KCNN3: variants seen among roughly 807,000 people sequenced by gnomAD.
The protein encoded by KCNN3 is small conductance calcium-activated potassium channel protein 3.
In KCNN3, 16 loss-of-function variants were observed where a neutral mutation model predicts 62.9. The ratio of observed to expected loss-of-function variants is 0.25; its 90% CI spans 0.17 to 0.39. The LOEUF (loss-of-function observed/expected upper bound fraction) is 0.39. Ranked by LOEUF, KCNN3 falls within the 10% of genes least tolerant of loss-of-function variation. The pLI is 1.00. For missense variants in KCNN3, 599 were observed against 949.4 expected (o/e 0.63, Z 4.85); for synonymous variants, 370 against 389.2 (o/e 0.95, Z 0.58).
Position 154,698,030 on chromosome 1 carries a change from T to A in KCNN3, c.*9946A>T, listed in dbSNP as rs1571186593. ...TACTATTATTTAGTAATCACTGAGTTGGTAAATGTATTCATTCATATGGAG... is the reference window on the plus strand; with the variant it reads ...TACTATTATTTAGTAATCACTGAGTAGGTAAATGTATTCATTCATATGGAG... On this transcript the variant is annotated 3_prime_UTR_variant, in exon 8 of 8. Coordinates refer to ENST00000271915, the MANE Select transcript of KCNN3 (RefSeq NM_002249.6). The A allele has an allele frequency of 6.6e-6, 1 of 152,210 alleles. No homozygotes were observed. Among genetic ancestry groups the A allele is most frequent in the South Asian group, 2.1e-4 (1 of 4,838 alleles). The allele number at this position is 152,210 out of a possible 1,614,324, so 9.4% of individuals were successfully genotyped here.
chr1:154,780,474 T>C (rs952825913), intron 2 of KCNN3, among the ~76,000 whole-genome samples: 9 of 150,522 alleles, frequency 6.0e-5, no homozygotes, highest in Non-Finnish European at 1.2e-4. Flanking sequence ...CTGTTCTCTC[T>C]CTGTGGGGAG....
At chr1:154,857,827 A>G (rs775355765) in intron 1 of KCNN3, among the ~76,000 whole-genome samples, 91 of 152,196 alleles carry the variant, frequency 6.0e-4, no homozygotes, top group Non-Finnish European at 2.5e-4. Flanking sequence ...GGCCCTTAAT[A>G]AATATTCTCT....
intron 1 of KCNN3, among the ~76,000 whole-genome samples, chr1:154,837,104 C>CT (rs34935250): frequency 0.25 from 35,541 of 144,506 alleles, 4,484 homozygotes; most frequent in African/African-American, 0.29. Context: ...TTGTTTAAGC[C>CT]TTTTTTTTTT....
chr1:154,739,397 C>A (rs1379065690), intron 3 of KCNN3, among the ~76,000 whole-genome samples: 1 of 152,194 alleles, frequency 6.6e-6, no homozygotes, highest in Non-Finnish European at 1.5e-5. Flanking sequence ...CCCCCCACCC[C>A]AGGATCATCA....
At position 154,708,016 on chromosome 1, in the gene KCNN3, G is replaced by A; in HGVS notation, c.2156C>T (p.Thr719Ile). 1.2e-6 allele frequency: 2 copies of A among 1,613,566 alleles called. No individual in the cohort carries two copies. The highest frequency in any genetic ancestry group is 2.7e-5 in the African/African-American group (2 of 75,044). The change falls in exon 8 of 8, where the codon ACC (threonine) becomes ATC (isoleucine). Residue 719 changes from threonine to isoleucine, a missense_variant. By Grantham distance (89) the Thr-to-Ile change is moderately conservative. Coordinates refer to ENST00000271915, the MANE Select transcript of KCNN3 (RefSeq NM_002249.6). ...ISDSPIGVSS[T>I]SFPTPYTSSS... ...ACTTGTGTACGGGGTCGGGAAGGAG[G>A]TGGAGCTGACCCCAATGGGGCTATC...
intron 3 of KCNN3, among the ~76,000 whole-genome samples, chr1:154,759,520 G>T (rs1038808932): frequency 6.6e-5 from 10 of 152,200 alleles, no homozygotes; most frequent in African/African-American, 2.4e-4. Flanking sequence ...GAGGTGGGTG[G>T]GGGAGCGGGT....
intron 3 of KCNN3, among the ~76,000 whole-genome samples, chr1:154,747,161 G>A (rs74115858): frequency 0.047 from 7,163 of 152,204 alleles, 187 homozygotes; most frequent in African/African-American, 0.055. Flanking sequence ...GAGTCAGTCC[G>A]GTGGAGGTTG....
chr1:154,708,230 G>A lies in KCNN3; in HGVS notation c.1942C>T (p.Arg648Trp). The A allele has an allele frequency of 1.2e-6, 2 of 1,613,800 alleles. No individual in the cohort carries two copies. The highest frequency in any genetic ancestry group is 1.1e-5 in the South Asian group (1 of 91,066). The change falls in exon 8 of 8, where the codon CGG (arginine) becomes TGG (tryptophan). Residue 648 changes from arginine to tryptophan, a missense_variant. Coordinates refer to ENST00000271915, the MANE Select transcript of KCNN3 (RefSeq NM_002249.6). Reference sequence around the variant, plus strand: ...ATCTGCTTCTCCAGGTCTTCGCTCCGGTCATTGAGTTCTGTGATTAAGTCA... The same window carrying A: ...ATCTGCTTCTCCAGGTCTTCGCTCCAGTCATTGAGTTCTGTGATTAAGTCA... ...MYDLITELND[R>W]SEDLEKQIGS...
At chr1:154,743,067 G>A (rs748958800) in intron 3 of KCNN3, among the ~76,000 whole-genome samples, 6 of 152,022 alleles carry the variant, frequency 3.9e-5, no homozygotes, top group Non-Finnish European at 5.9e-5. Context: ...CTCCAGAATC[G>A]GAGCGCCTGT....
In KCNN3 at chr1:154,706,224, T is replaced by C. The variant is rs1699963185; in HGVS notation, c.*1752A>G. 6.6e-6 allele frequency: 1 copy of C among 152,224 alleles called. No individual in the cohort carries two copies. The highest frequency in any genetic ancestry group is 1.5e-5 in the Non-Finnish European group (1 of 68,040). The allele number at this position is 152,224 out of a possible 1,614,324, so 9.4% of individuals were successfully genotyped here. A position where few individuals can be genotyped will look rare whatever the true frequency, so the allele number is the denominator to read the frequency against. Reference sequence around the variant, plus strand: ...CTTGGCTCTACAATTGTCTACCTTGTGCTGTCCTTAGAAGAACAGGCCCAG... The same window carrying C: ...CTTGGCTCTACAATTGTCTACCTTGCGCTGTCCTTAGAAGAACAGGCCCAG... On this transcript the variant is annotated 3_prime_UTR_variant, in exon 8 of 8. Coordinates refer to ENST00000271915, the MANE Select transcript of KCNN3 (RefSeq NM_002249.6).
intron 1 of KCNN3, among the ~76,000 whole-genome samples, chr1:154,857,887 T>C (rs957230318): frequency 6.6e-6 from 1 of 152,180 alleles, no homozygotes; most frequent in African/African-American, 2.4e-5. Context: ...CGGTGTTGCT[T>C]TGGAGTCATT....
At chr1:154,833,402 T>TC (rs1301050366) in intron 1 of KCNN3, among the ~76,000 whole-genome samples, 7 of 152,176 alleles carry the variant, frequency 4.6e-5, no homozygotes, top group Non-Finnish European at 1.0e-4. Flanking sequence ...CGTCCGTGTT[T>TC]CCCAGCCATG....
At chr1:154,820,065 A>AT (rs1406384592) in intron 2 of KCNN3, among the ~76,000 whole-genome samples, 1 of 152,214 alleles carries the variant, frequency 6.6e-6, no homozygotes, top group Non-Finnish European at 1.5e-5. Flanking sequence ...ATGACCCCCA[A>AT]TAGCATCATC....
intron 5 of KCNN3, among the ~76,000 whole-genome samples, chr1:154,725,584 C>T (rs1571214497): frequency 6.6e-6 from 1 of 150,990 alleles, no homozygotes; most frequent in African/African-American, 2.4e-5. Context: ...CTCTCTGTCA[C>T]CCAGGCTGGA....
intron 1 of KCNN3, among the ~76,000 whole-genome samples, chr1:154,835,630 C>T (rs1651556462): frequency 6.6e-6 from 1 of 152,196 alleles, no homozygotes; most frequent in Admixed American, 6.5e-5. Flanking sequence ...CGGCCATGTG[C>T]CTTGCTTGCT....
rs1415672425 is a variant in KCNN3 at position 154,736,950 on chromosome 1, G to T, written c.1449-3806C>A. 1.3e-4 allele frequency: 90 copies of T among 690,658 alleles called. 1 individual carries two copies. Among genetic ancestry groups the T allele is most frequent in the Non-Finnish European group, 8.2e-5 (31 of 377,982 alleles). The allele number at this position is 690,658 out of a possible 1,614,324, so 42.8% of individuals were successfully genotyped here. ...CCTTCAGTGATCGCTTCTCTGGTGG[G>T]GGCTACGGAAGATGCTGAGATGAAT... On this transcript the variant is annotated intron_variant, in intron 3 of 7. Coordinates refer to ENST00000271915, the MANE Select transcript of KCNN3 (RefSeq NM_002249.6).
intron 3 of KCNN3, among the ~76,000 whole-genome samples, chr1:154,760,218 C>T (rs909370658): frequency 1.3e-5 from 2 of 151,862 alleles, no homozygotes; most frequent in African/African-American, 4.8e-5. Context: ...TAAGAGATAT[C>T]AGCCATTACT....
rs184893562 is a variant in KCNN3 at position 154,757,654 on chromosome 1, G to A, written c.1448+14321C>T. ...TGCATTAAAAGGAAAATAATGCCGA[G>A]GAAATGGGAGGATGCCTAACACTTG... On this transcript the variant is annotated intron_variant, in intron 3 of 7. Coordinates refer to ENST00000271915, the MANE Select transcript of KCNN3 (RefSeq NM_002249.6). Among the ~76,000 whole-genome samples the A allele has an allele frequency of 5.3e-5, 8 of 152,304 alleles. No homozygotes were observed. In the East Asian group the frequency reaches 1.4e-3, roughly 26 times the overall value.
chr1:154,714,605 G>GT (rs1700190914), intron 6 of KCNN3, among the ~76,000 whole-genome samples: 1 of 26,062 alleles, frequency 3.8e-5, no homozygotes, highest in African/African-American at 1.1e-4. Flanking sequence ...TGTGATGTGT[G>GT]GTGTGTGGTG....
Sources: allele counts gnomAD v4.1 joint callset (sites outside exome capture counted in the v4.1 genomes callset), GRCh38; gene constraint gnomAD v4.1.1; transcripts MANE v1.5; gene names NCBI Gene and HGNC (gene_info 2026-07-23, HGNC 2026-07-21).